The following TMEM184B variants were observed in gnomAD, a reference collection of about 807,000 sequenced individuals.
TMEM184B encodes transmembrane protein 184B.
TMEM184B carries 17 observed loss-of-function variants against 41.8 expected under a neutral mutation model. The observed-to-expected ratio is 0.41, with a 90% CI of 0.28 to 0.61. The LOEUF (loss-of-function observed/expected upper bound fraction) is 0.61. Among genes scored for constraint, TMEM184B ranks in the 20% least tolerant of loss-of-function variants. TMEM184B has a pLI of 0.34. For missense variants in TMEM184B, 393 were observed against 557.8 expected, an observed-to-expected ratio of 0.70 and a Z score of 2.98; for synonymous variants, 240 against 229.5, an observed-to-expected ratio of 1.05 and a Z score of -0.41.
In TMEM184B at chr22:38,246,024, A is replaced by T; in HGVS notation, c.269T>A (p.Ile90Asn). The T allele has an allele frequency of 6.2e-7, 1 of 1,613,726 alleles. No individual in the cohort carries two copies. Among genetic ancestry groups the T allele is most frequent in the Non-Finnish European group, 8.5e-7 (1 of 1,180,018 alleles). ...YIVRILFIVP[I>N]YAFDSWLSLL... is the part of the protein sequence containing the mutation. Reference sequence around the variant, plus strand: ...GCTGAGCCAGGAGTCAAAGGCGTAGATGGGCACGATGAAGAGGATGCGCAC... The same window carrying T: ...GCTGAGCCAGGAGTCAAAGGCGTAGTTGGGCACGATGAAGAGGATGCGCAC... The change falls in exon 3 of 9, where the codon ATC (isoleucine) becomes AAC (asparagine). Residue 90 changes from isoleucine (I) to asparagine (N), a missense_variant. By Grantham distance (149) the Ile-to-Asn change is moderately radical (BLOSUM62 -3). Coordinates refer to ENST00000361906, the MANE Select transcript of TMEM184B (RefSeq NM_012264.5).
At chr22:38,272,352 G>A (rs1180872245) in intron 1 of TMEM184B, 6 of 518,344 alleles carry the variant, frequency 1.2e-5, no homozygotes, top group Admixed American at 6.4e-5. Flanking sequence ...TCGAGCCCCA[G>A]GTCCCAGTCG....
At chr22:38,266,490 A>C (rs1336534026) in intron 1 of TMEM184B, among the ~76,000 whole-genome samples, 2 of 152,220 alleles carry the variant, frequency 1.3e-5, no homozygotes, top group Non-Finnish European at 1.5e-5. Context: ...CCTGTTCACC[A>C]CTGCTGCAAC....
At chr22:38,264,053 C>G (rs1290975497) in intron 1 of TMEM184B, among the ~76,000 whole-genome samples, 26 of 152,210 alleles carry the variant, frequency 1.7e-4, no homozygotes, top group Admixed American at 1.7e-3. Context: ...TACCTGCCCA[C>G]CTCGGCCTCC....
At chr22:38,235,311 CCT>C (rs946640694) in intron 3 of TMEM184B, among the ~76,000 whole-genome samples, 5 of 152,198 alleles carry the variant, frequency 3.3e-5, no homozygotes, top group African/African-American at 9.7e-5. Flanking sequence ...GCCCATAAGC[CCT>C]CTCTATCTGG....
At chr22:38,231,535 C>T (rs1405944468) in intron 3 of TMEM184B, 9 of 696,398 alleles carry the variant, frequency 1.3e-5, no homozygotes, top group Non-Finnish European at 2.1e-5. Context: ...CAAAACCCGG[C>T]ACACCTAAAT....
rs1399575908 is a variant in TMEM184B at position 38,219,588 on chromosome 22, C to T, written c.*1881G>A. On this transcript the variant is annotated 3_prime_UTR_variant, in exon 9 of 9. Coordinates refer to ENST00000361906, the MANE Select transcript of TMEM184B (RefSeq NM_012264.5). ...AAGGAGGAGGAGGGGATGGAGCGGT[C>T]GGGCACATGTTCCCGTCCCCACGAC... The T allele has an allele frequency of 1.0e-6, 1 of 985,334 alleles. No homozygotes were observed. The highest frequency in any genetic ancestry group is 1.7e-5 in the African/African-American group (1 of 57,186). 61.0% of individuals were successfully genotyped at this position (985,334 alleles called of 1,614,324 possible). A position where few individuals can be genotyped will look rare whatever the true frequency, so the allele number is the denominator to read the frequency against.
intron 3 of TMEM184B, among the ~76,000 whole-genome samples, chr22:38,240,088 G>A (rs1477263417): frequency 1.3e-5 from 2 of 151,944 alleles, no homozygotes; most frequent in African/African-American, 4.8e-5. Flanking sequence ...CTGAGTTGCT[G>A]GTATTTTAAG....
chr22:38,219,149 A>G (rs1043599428), downstream of TMEM184B: 4 of 642,824 alleles, frequency 6.2e-6, no homozygotes, highest in Admixed American at 6.3e-5. Flanking sequence ...CTTGGTCCCT[A>G]TCAATCCGAA....
chr22:38,231,280 C>A lies in TMEM184B; in HGVS notation c.413G>T (p.Ser138Ile). ...SLCYEYLGGE[S>I]SIMSEIRGKP... ...TCCTCTGATCTCCGACATGATGGAA[C>A]TTTCTCCTCCTAGGTACTCATAGCA... The change falls in exon 4 of 9, where the codon AGT (serine) becomes ATT (isoleucine). Residue 138 changes from serine (S) to isoleucine (I), a missense_variant. By Grantham distance (142) the Ser-to-Ile change is moderately radical. Coordinates refer to ENST00000361906, the MANE Select transcript of TMEM184B (RefSeq NM_012264.5). The A allele has an allele frequency of 1.2e-6, 2 of 1,614,170 alleles. No individual in the cohort carries two copies. The highest frequency in any genetic ancestry group is 1.7e-6 in the Non-Finnish European group (2 of 1,180,028).
intron 1 of TMEM184B, among the ~76,000 whole-genome samples, chr22:38,251,982 C>G (rs1401105391): frequency 6.6e-6 from 1 of 151,478 alleles, no homozygotes; most frequent in Non-Finnish European, 1.5e-5. Flanking sequence ...GCAGCCTTGA[C>G]CTCCCTAGGC....
At chr22:38,265,797 T>G (rs772498438) in intron 1 of TMEM184B, among the ~76,000 whole-genome samples, 8 of 152,324 alleles carry the variant, frequency 5.3e-5, no homozygotes, top group Non-Finnish European at 1.0e-4. Context: ...TCACTCTGCA[T>G]GAAACAAAAA....
At chr22:38,246,892 A>C (rs1489286975) in intron 2 of TMEM184B, 1 of 1,300,796 alleles carries the variant, frequency 7.7e-7, no homozygotes. Context: ...TGGGCTGGGG[A>C]GGAAAAGAAC....
chr22:38,262,230 T>A (rs1387514423), intron 1 of TMEM184B, among the ~76,000 whole-genome samples: 1 of 152,062 alleles, frequency 6.6e-6, no homozygotes, highest in Non-Finnish European at 1.5e-5. Context: ...TGCCAAGGTG[T>A]GAGTGGTGAC....
rs549156272 is a variant in TMEM184B at position 38,226,558 on chromosome 22, G to A, written c.617+221C>T. ...CTTCATGGTACCACTCTGCAGCCTG[G>A]ACATGAACGTGACTGCTGCCAATGG... On this transcript the variant is annotated intron_variant, in intron 6 of 8. Transcript: ENST00000361906. This position sits in a 1 kb window ranked among gnomAD's most constrained non-coding sequence, Gnocchi z 4.6. The A allele has an allele frequency of 9.8e-6, 5 of 507,616 alleles. No individual in the cohort carries two copies. Among genetic ancestry groups the A allele is most frequent in the African/African-American group, 9.6e-5 (5 of 51,816 alleles). The allele number at this position is 507,616 out of a possible 1,614,324, so 31.4% of individuals were successfully genotyped here. A position where few individuals can be genotyped will look rare whatever the true frequency, so the allele number is the denominator to read the frequency against.
At position 38,226,684 on chromosome 22, in the gene TMEM184B, C is replaced by G. The variant is rs1048611422; in HGVS notation, c.617+95G>C. On this transcript the variant is annotated intron_variant, in intron 6 of 8. Coordinates refer to ENST00000361906, the MANE Select transcript of TMEM184B (RefSeq NM_012264.5). This position sits in a 1 kb window ranked among gnomAD's most constrained non-coding sequence, Gnocchi z 4.6. The stretch of plus-strand genomic sequence containing the variant: ...CACCAGACACCCAGGAAGGTCATGG[C>G]TGTGCGGCCACTCTGGCTGCCCCCT... 4.8e-6 allele frequency: 6 copies of G among 1,254,010 alleles called. No individual in the cohort carries two copies. The highest frequency in any genetic ancestry group is 6.7e-6 in the Non-Finnish European group (6 of 890,562). 77.7% of individuals were successfully genotyped at this position (1,254,010 alleles called of 1,614,324 possible). A position where few individuals can be genotyped will look rare whatever the true frequency, so the allele number is the denominator to read the frequency against.
At chr22:38,263,182 C>T (rs756837695) in intron 1 of TMEM184B, among the ~76,000 whole-genome samples, 2 of 152,146 alleles carry the variant, frequency 1.3e-5, no homozygotes, top group Non-Finnish European at 2.9e-5. Flanking sequence ...GGATTACAGG[C>T]GTGAGCCACC....
intron 2 of TMEM184B, among the ~76,000 whole-genome samples, chr22:38,247,458 G>A (rs552066751): frequency 1.3e-5 from 2 of 152,368 alleles, no homozygotes; most frequent in East Asian, 1.9e-4. Context: ...GCAAGAAAGC[G>A]ACTTCTTGGC....
chr22:38,261,577 T>A (rs2092368914), intron 1 of TMEM184B, among the ~76,000 whole-genome samples: 1 of 152,178 alleles, frequency 6.6e-6, no homozygotes, highest in Admixed American at 6.5e-5. Context: ...GTAATTAGGT[T>A]CTTTCCTTTA....
intron 1 of TMEM184B, among the ~76,000 whole-genome samples, chr22:38,270,696 C>G (rs762518911): frequency 6.6e-6 from 1 of 152,230 alleles, no homozygotes; most frequent in Non-Finnish European, 1.5e-5. Flanking sequence ...AACTCCCACA[C>G]CAGATCCCCA....
Sources: allele counts gnomAD v4.1 joint callset (sites outside exome capture counted in the v4.1 genomes callset), GRCh38; gene constraint gnomAD v4.1.1; non-coding constraint Gnocchi (gnomAD v3.1); transcripts MANE v1.5; gene names NCBI Gene and HGNC (gene_info 2026-07-23, HGNC 2026-07-21).